The following KCNJ6 variants were observed in gnomAD, a reference collection of about 807,000 sequenced individuals.
KCNJ6 encodes G protein-activated inward rectifier potassium channel 2.
KCNJ6 carries 9 observed loss-of-function variants against 34.2 expected under a neutral mutation model. The ratio of observed to expected loss-of-function variants is 0.26; its 90% CI spans 0.16 to 0.46. The LOEUF is 0.46. KCNJ6 is among the 20% of genes least tolerant of loss of function. The pLI, the probability that KCNJ6 is intolerant of heterozygous loss-of-function variation, is 1.00. For missense variants in KCNJ6, 236 were observed against 531.3 expected, an observed-to-expected ratio of 0.44 and a Z score of 5.46; for synonymous variants, 196 against 207.1, an observed-to-expected ratio of 0.95 and a Z score of 0.46.
chr21:37,810,772 T>G (rs746944679), intron 2 of KCNJ6, among the ~76,000 whole-genome samples: 10 of 152,228 alleles, frequency 6.6e-5, no homozygotes, highest in African/African-American at 1.2e-4. Context: ...ATATACATAT[T>G]GTATTTAGCC....
At chr21:37,774,685 T>C (rs1382613303) in intron 2 of KCNJ6, among the ~76,000 whole-genome samples, 1 of 152,226 alleles carries the variant, frequency 6.6e-6, no homozygotes. Context: ...GAACTCATCA[T>C]GTGTTATGGC....
At chr21:37,693,065 T>A (rs936620117) in intron 3 of KCNJ6, among the ~76,000 whole-genome samples, 3 of 151,944 alleles carry the variant, frequency 2.0e-5, no homozygotes, top group Non-Finnish European at 4.4e-5. Context: ...TTATTAAAAA[T>A]GGTTAATGGG....
At chr21:37,663,088 G>C (rs188791901) in intron 3 of KCNJ6, among the ~76,000 whole-genome samples, 1 of 152,156 alleles carries the variant, frequency 6.6e-6, no homozygotes, top group East Asian at 1.9e-4. Context: ...AAATTCTGTA[G>C]GTGAGATGAA....
At chr21:37,865,401 C>T (rs2123606823) in intron 1 of KCNJ6, among the ~76,000 whole-genome samples, 1 of 152,284 alleles carries the variant, frequency 6.6e-6, no homozygotes, top group East Asian at 1.9e-4. Flanking sequence ...ATCATGTCCA[C>T]CCCCAGTTCT....
chr21:37,852,745 A>G (rs902275122), intron 1 of KCNJ6, among the ~76,000 whole-genome samples: 2 of 152,222 alleles, frequency 1.3e-5, no homozygotes, highest in Non-Finnish European at 2.9e-5. Flanking sequence ...AGATTTTATA[A>G]TTATATAAGG....
chr21:37,848,987 T>C (rs948665295), intron 1 of KCNJ6, among the ~76,000 whole-genome samples: 1 of 152,188 alleles, frequency 6.6e-6, no homozygotes, highest in African/African-American at 2.4e-5. Flanking sequence ...ATTTCTCCTT[T>C]CCTAGAGCTC....
intron 2 of KCNJ6, among the ~76,000 whole-genome samples, chr21:37,774,603 T>TG (rs201460003): frequency 0.55 from 81,402 of 149,256 alleles, 22,236 homozygotes; most frequent in African/African-American, 0.62. Flanking sequence ...ATGCAATGTT[T>TG]GCTTTTTGTC....
chr21:37,629,128 G>A (rs543295918), intron 3 of KCNJ6, among the ~76,000 whole-genome samples: 2 of 152,214 alleles, frequency 1.3e-5, no homozygotes, highest in East Asian at 1.9e-4. Context: ...AGACTAGACC[G>A]TAACTCAAAT....
At chr21:37,829,561 G>C (rs1445339149) in intron 2 of KCNJ6, among the ~76,000 whole-genome samples, 1 of 152,208 alleles carries the variant, frequency 6.6e-6, no homozygotes, top group Non-Finnish European at 1.5e-5. Flanking sequence ...AGAGGCAGAG[G>C]TGTGTGGAGC....
At chr21:37,725,399 A>G (rs1409305171) in intron 2 of KCNJ6, among the ~76,000 whole-genome samples, 1 of 152,236 alleles carries the variant, frequency 6.6e-6, no homozygotes, top group African/African-American at 2.4e-5. Context: ...TCTTAAAAAA[A>G]GTAGCTAGAA....
chr21:37,880,321 G>A lies in KCNJ6; in HGVS notation c.-28+35563C>T, dbSNP rs138239402. On this transcript the variant is annotated intron_variant, in intron 1 of 3. Transcript: ENST00000609713. ...AAGGAGTCACAACAGCTTTTGTCAA[G>A]CACATTGTACACCACCTCTCACCTC... is the stretch of plus-strand genomic sequence containing the variant. Among the ~76,000 whole-genome samples the A allele has an allele frequency of 5.5e-3, 844 of 152,284 alleles. 8 individuals are homozygous for A. The highest frequency in any genetic ancestry group is 0.019 in the African/African-American group (798 of 41,554).
At chr21:37,796,312 G>C (rs2123526949) in intron 2 of KCNJ6, among the ~76,000 whole-genome samples, 1 of 152,274 alleles carries the variant, frequency 6.6e-6, no homozygotes, top group Non-Finnish European at 1.5e-5. Flanking sequence ...CGAAATTAGA[G>C]TGATATTAAA....
chr21:37,670,342 T>G (rs1601412327), intron 3 of KCNJ6, among the ~76,000 whole-genome samples: 1 of 152,158 alleles, frequency 6.6e-6, no homozygotes, highest in Non-Finnish European at 1.5e-5. Context: ...TTTTGGCCAT[T>G]TGGGGACCCT....
At chr21:37,699,668 C>T (rs1371644556) in intron 3 of KCNJ6, among the ~76,000 whole-genome samples, 3 of 152,164 alleles carry the variant, frequency 2.0e-5, no homozygotes, top group Non-Finnish European at 4.4e-5. Flanking sequence ...TTGGACTAGA[C>T]CCACTTTAAA....
intron 1 of KCNJ6, among the ~76,000 whole-genome samples, chr21:37,849,950 A>G (rs2055529119): frequency 6.6e-6 from 1 of 152,234 alleles, no homozygotes; most frequent in Non-Finnish European, 1.5e-5. Flanking sequence ...TCACAACCAA[A>G]GAATGCATAG....
At chr21:37,852,151 T>A (rs2055540871) in intron 1 of KCNJ6, among the ~76,000 whole-genome samples, 1 of 152,120 alleles carries the variant, frequency 6.6e-6, no homozygotes, top group African/African-American at 2.4e-5. Flanking sequence ...TCTTATCAGG[T>A]GTAATGCTGC....
In KCNJ6 at chr21:37,750,649, G is replaced by A. The variant is rs1007025881; in HGVS notation, c.26-35518C>T. ...AGGAACAGAAAACCAAACACCACAT[G>A]TTCTCTCTCATAAGTGGGAGTTGAA... On this transcript the variant is annotated intron_variant, in intron 2 of 3. Coordinates refer to ENST00000609713, the MANE Select transcript of KCNJ6 (RefSeq NM_002240.5). Among the ~76,000 whole-genome samples the A allele has an allele frequency of 1.2e-4, 18 of 151,984 alleles. No homozygotes were observed. In the South Asian group the frequency reaches 1.9e-3, roughly 16 times the overall value.
chr21:37,627,590 A>AAC (rs2054316954), intron 3 of KCNJ6, among the ~76,000 whole-genome samples: 1 of 152,224 alleles, frequency 6.6e-6, no homozygotes, highest in African/African-American at 2.4e-5. Flanking sequence ...GGGCTGTGAT[A>AAC]ACAGTTGGGG....
intron 1 of KCNJ6, among the ~76,000 whole-genome samples, chr21:37,848,666 A>T (rs537503737): frequency 6.6e-6 from 1 of 152,246 alleles, no homozygotes; most frequent in African/African-American, 2.4e-5. Context: ...TTGTACTAAC[A>T]TTGCCTCAAT....
Sources: allele counts gnomAD v4.1 joint callset (sites outside exome capture counted in the v4.1 genomes callset), GRCh38; gene constraint gnomAD v4.1.1; transcripts MANE v1.5; gene names NCBI Gene and HGNC (gene_info 2026-07-23, HGNC 2026-07-21).